SSBP2: variants seen among roughly 807,000 people sequenced by gnomAD.
SSBP2 encodes single-stranded DNA-binding protein 2.
Under a neutral mutation model 61.8 loss-of-function variants are expected in SSBP2, and 17 were observed. The observed-to-expected ratio is 0.28, with a 90% CI of 0.19 to 0.41. The LOEUF is 0.41. SSBP2 is among the 10% of genes least tolerant of loss of function. The probability of loss-of-function intolerance (pLI) is 1.00; values close to 1 mark genes in which losing one functional copy is unlikely to be tolerated. For synonymous variants in SSBP2, 139 were observed against 141.3 expected (o/e 0.98, Z 0.12); for missense variants, 310 against 458.7 (o/e 0.68, Z 2.96).
At chr5:81,678,822 T>G (rs1239029441) in intron 1 of SSBP2, among the ~76,000 whole-genome samples, 1 of 152,032 alleles carries the variant, frequency 6.6e-6, no homozygotes, top group Non-Finnish European at 1.5e-5. Context: ...TCCTGTGAAA[T>G]TATCTTTCAA....
chr5:81,675,824 C>T (rs1202090447), intron 1 of SSBP2, among the ~76,000 whole-genome samples: 1 of 152,092 alleles, frequency 6.6e-6, no homozygotes, highest in African/African-American at 2.4e-5. Context: ...ACTTGTTCTC[C>T]CCCATATCTT....
chr5:81,588,934 C>T (rs1581103642), intron 4 of SSBP2, among the ~76,000 whole-genome samples: 4 of 152,062 alleles, frequency 2.6e-5, no homozygotes, highest in Admixed American at 1.3e-4. Flanking sequence ...CATGTTGGCA[C>T]ATGCCTGTAG....
At chr5:81,490,414 A>C (rs543658788) in intron 5 of SSBP2, among the ~76,000 whole-genome samples, 1 of 152,136 alleles carries the variant, frequency 6.6e-6, no homozygotes, top group Non-Finnish European at 1.5e-5. Context: ...CTCAACATAT[A>C]ATTACTTAAA....
intron 4 of SSBP2, among the ~76,000 whole-genome samples, chr5:81,531,350 T>G (rs1770393234): frequency 6.7e-6 from 1 of 150,278 alleles, no homozygotes; most frequent in African/African-American, 2.4e-5. Flanking sequence ...TCAGTTAAAC[T>G]AAAAAAAAAT....
At chr5:81,576,048 T>G (rs1774186127) in intron 4 of SSBP2, among the ~76,000 whole-genome samples, 1 of 152,182 alleles carries the variant, frequency 6.6e-6, no homozygotes, top group African/African-American at 2.4e-5. Context: ...AAAGAAGAGA[T>G]AACTGGGGTC....
At chr5:81,575,085 T>G (rs908691674) in intron 4 of SSBP2, among the ~76,000 whole-genome samples, 1 of 152,084 alleles carries the variant, frequency 6.6e-6, no homozygotes, top group Non-Finnish European at 1.5e-5. Flanking sequence ...CTGGCCAACA[T>G]GGTGAAACCC....
rs537916655 is a variant in SSBP2 at position 81,512,411 on chromosome 5, C to T, written c.372+1217G>A. 7.2e-5 allele frequency among the ~76,000 whole-genome samples: 11 copies of T among 152,242 alleles called. No individual in the cohort carries two copies. The East Asian group carries it at 1.4e-3, about 19-fold the overall frequency. On this transcript the variant is annotated intron_variant, in intron 5 of 16. Coordinates refer to ENST00000320672, the MANE Select transcript of SSBP2 (RefSeq NM_012446.5). The stretch of plus-strand genomic sequence containing the variant: ...TATATGTAAAGCATTTAGAATGAAG[C>T]ATGGCATGTAGTTAGCAGTTGTTAA...
rs1018689017 is a variant in SSBP2 at position 81,417,822 on chromosome 5, ACT to A, written c.*2680_*2681del. 1.3e-5 allele frequency: 2 copies of A among 152,066 alleles called. No homozygotes were observed. The highest frequency in any genetic ancestry group is 4.8e-5 in the African/African-American group (2 of 41,424). The allele number at this position is 152,066 out of a possible 1,614,324, so 9.4% of individuals were successfully genotyped here. A position where few individuals can be genotyped will look rare whatever the true frequency, so the allele number is the denominator to read the frequency against. On this transcript the variant is annotated 3_prime_UTR_variant, in exon 17 of 17. Transcript: ENST00000320672. Reference sequence around the variant, plus strand: ...TCAGGAAATTTTTAAATCTAAAATAACTCTTTTTAATCTGGGCTCCAAGAAGA... The same window carrying A: ...TCAGGAAATTTTTAAATCTAAAATAACTTTTTAATCTGGGCTCCAAGAAGA...
intron 4 of SSBP2, among the ~76,000 whole-genome samples, chr5:81,515,415 T>G (rs1389889435): frequency 6.6e-6 from 1 of 151,990 alleles, no homozygotes; most frequent in African/African-American, 2.4e-5. Flanking sequence ...CACACTCACC[T>G]GTACTTTCAA....
intron 4 of SSBP2, among the ~76,000 whole-genome samples, chr5:81,595,204 T>A (rs1743587934): frequency 6.6e-6 from 1 of 152,130 alleles, no homozygotes; most frequent in Non-Finnish European, 1.5e-5. Context: ...CAGAAAATAC[T>A]ATAAACACCT....
chr5:81,454,146 G>C (rs1763970593), intron 10 of SSBP2, among the ~76,000 whole-genome samples: 1 of 152,188 alleles, frequency 6.6e-6, no homozygotes, highest in African/African-American at 2.4e-5. Flanking sequence ...TGAGGGAGTG[G>C]AAGTATGGGA....
intron 3 of SSBP2, among the ~76,000 whole-genome samples, chr5:81,636,030 T>TG (rs1210683393): frequency 3.3e-5 from 5 of 152,166 alleles, no homozygotes; most frequent in African/African-American, 1.2e-4. Flanking sequence ...TATTTGGAGA[T>TG]GGGGTCTTTG....
Position 81,490,496 on chromosome 5 carries a change from GAATT to G in SSBP2, c.373-1191_373-1188del, listed in dbSNP as rs368119085. ...GGGTTGAATGTTATTAAGATATTAAGAATTAATTAATATGAATTAAGAAGTAATA... is the reference window on the plus strand; with the variant it reads ...GGGTTGAATGTTATTAAGATATTAAGAATTAATATGAATTAAGAAGTAATA... On this transcript the variant is annotated intron_variant, in intron 5 of 16. Transcript: ENST00000320672. Among the ~76,000 whole-genome samples, 818 of 152,124 alleles carry G rather than the reference GAATT, an allele frequency of 5.4e-3. 5 individuals are homozygous for G. Among genetic ancestry groups the G allele is most frequent in the African/African-American group, 0.018 (766 of 41,502 alleles).
Position 81,711,032 on chromosome 5 carries a change from C to T in SSBP2, c.62+39949G>A, listed in dbSNP as rs1349701144. Among the ~76,000 whole-genome samples, 6 of 152,146 alleles carry T rather than the reference C, an allele frequency of 3.9e-5. No homozygotes were observed. In the South Asian group the frequency reaches 1.0e-3, roughly 26 times the overall value. On this transcript the variant is annotated intron_variant, in intron 1 of 16. Coordinates refer to ENST00000320672, the MANE Select transcript of SSBP2 (RefSeq NM_012446.5). ...TGGAATATAACTACCGTATCTAATG[C>T]TCTTAAAGTTCATTTAATAACAATA...
At chr5:81,750,328 G>A (rs1757655063) in intron 1 of SSBP2, among the ~76,000 whole-genome samples, 1 of 142,628 alleles carries the variant, frequency 7.0e-6, no homozygotes. Context: ...GGAAAGCCCG[G>A]ACGCCCAACC....
At chr5:81,515,384 A>T (rs1297641103) in intron 4 of SSBP2, among the ~76,000 whole-genome samples, 1 of 151,940 alleles carries the variant, frequency 6.6e-6, no homozygotes, top group East Asian at 1.9e-4. Flanking sequence ...AAGACATATT[A>T]AAAAAGACAA....
intron 1 of SSBP2, among the ~76,000 whole-genome samples, chr5:81,733,774 C>T (rs1181175056): frequency 6.6e-6 from 1 of 152,140 alleles, no homozygotes; most frequent in Non-Finnish European, 1.5e-5. Context: ...AGCAATATAA[C>T]TTAGGAAATT....
chr5:81,432,809 G>GC (rs1247109506), intron 15 of SSBP2, among the ~76,000 whole-genome samples: 1 of 123,942 alleles, frequency 8.1e-6, no homozygotes, highest in Non-Finnish European at 1.8e-5. Context: ...GGGAGGTGGG[G>GC]GAGTCAGCCC....
chr5:81,473,465 A>G (rs1205222718), intron 8 of SSBP2, among the ~76,000 whole-genome samples: 1 of 151,932 alleles, frequency 6.6e-6, no homozygotes, highest in Non-Finnish European at 1.5e-5. Context: ...GTGTTCATAA[A>G]TTCTTGTTGG....
Sources: gnomAD v4.1 joint callset for allele counts (sites outside exome capture counted in the v4.1 genomes callset) on GRCh38, gnomAD v4.1.1 for gene constraint, MANE v1.5 for transcripts, NCBI Gene and HGNC (gene_info 2026-07-23, HGNC 2026-07-21) for gene names.